Variants in CDC42BPA observed in about 807,000 individuals in gnomAD.
CDC42BPA encodes the protein CDC42 binding protein kinase alpha.
In CDC42BPA, 80 loss-of-function variants were observed where a neutral mutation model predicts 223.5. That is an observed-to-expected ratio of 0.36 (90% CI 0.30 to 0.43). The LOEUF (loss-of-function observed/expected upper bound fraction) is 0.43. Ranked by LOEUF, CDC42BPA falls within the 20% of genes least tolerant of loss-of-function variation. The pLI is 1.00. For missense variants in CDC42BPA, 1,743 were observed against 2,099.9 expected (o/e 0.83, Z 3.32); for synonymous variants, 694 against 718.6 (o/e 0.97, Z 0.55).
intron 15 of CDC42BPA, among the ~76,000 whole-genome samples, chr1:227,095,588 GGT>G (rs758671827): frequency 7.4e-5 from 9 of 121,760 alleles, no homozygotes; most frequent in African/African-American, 2.5e-4. Context: ...TAAGTTCTTT[GGT>G]TTTTTTTTTT....
At chr1:227,137,156 A>T (rs547566822) in intron 10 of CDC42BPA, among the ~76,000 whole-genome samples, 107 of 152,290 alleles carry the variant, frequency 7.0e-4, no homozygotes, top group Non-Finnish European at 1.4e-3. Context: ...TAACATACAA[A>T]TTATTAAGAA....
intron 11 of CDC42BPA, among the ~76,000 whole-genome samples, chr1:227,126,688 C>T (rs116064700): frequency 0.011 from 1,635 of 152,252 alleles, 33 homozygotes; most frequent in African/African-American, 0.037. Context: ...TGGTTCAATA[C>T]TTTAAAATCA....
intron 5 of CDC42BPA, chr1:227,183,000 T>C (rs890722776): frequency 6.6e-6 from 1 of 152,182 alleles, no homozygotes; most frequent in African/African-American, 2.4e-5. Context: ...CATGTCGGCT[T>C]CCCTGGTTTT....
intron 4 of CDC42BPA, among the ~76,000 whole-genome samples, chr1:227,197,481 C>T (rs193020818): frequency 1.3e-5 from 2 of 152,062 alleles, no homozygotes; most frequent in Non-Finnish European, 2.9e-5. Flanking sequence ...TATATACAGA[C>T]TATTTTTCCC....
chr1:227,240,296 A>T (rs969476412), intron 2 of CDC42BPA, among the ~76,000 whole-genome samples: 9 of 152,112 alleles, frequency 5.9e-5, no homozygotes, highest in African/African-American at 2.2e-4. Context: ...AACAAAGAGA[A>T]ATATCTGCTT....
At chr1:227,069,170 T>C (rs1452690275) in intron 21 of CDC42BPA, 1 of 152,106 alleles carries the variant, frequency 6.6e-6, no homozygotes, top group African/African-American at 2.4e-5. Context: ...ATTTGTTCAA[T>C]AAAGATATAA....
chr1:227,009,510 G>A (rs1017625744), intron 34 of CDC42BPA, among the ~76,000 whole-genome samples: 2 of 152,194 alleles, frequency 1.3e-5, no homozygotes, highest in Non-Finnish European at 2.9e-5. Context: ...CCAGGCGCAA[G>A]TGATCTTCTC....
intron 1 of CDC42BPA, chr1:227,265,162 G>A (rs1572721025): frequency 1.1e-5 from 8 of 700,140 alleles, no homozygotes; most frequent in African/African-American, 3.5e-5. Context: ...CACTTCCACA[G>A]TGGTAGGAAG....
At chr1:227,274,338 G>A (rs983847171) in intron 1 of CDC42BPA, among the ~76,000 whole-genome samples, 5 of 152,108 alleles carry the variant, frequency 3.3e-5, no homozygotes, top group Admixed American at 3.3e-4. Flanking sequence ...ACAGAGACTA[G>A]AAGTCACAGG....
At chr1:227,106,227 A>G (rs1230067381) in intron 14 of CDC42BPA, among the ~76,000 whole-genome samples, 4 of 152,072 alleles carry the variant, frequency 2.6e-5, no homozygotes. Context: ...CTTATTGACC[A>G]TTTATATATA....
At chr1:227,019,657 T>C (rs73087695) in intron 32 of CDC42BPA, among the ~76,000 whole-genome samples, 4,839 of 150,636 alleles carry the variant, frequency 0.032, 226 homozygotes, top group African/African-American at 0.11. Flanking sequence ...GGCTACAGAA[T>C]GGATGCTGTG....
In CDC42BPA at chr1:226,994,243, C is replaced by G; in HGVS notation, c.*25G>C. 3.9e-6 allele frequency: 6 copies of G among 1,554,386 alleles called. No individual in the cohort carries two copies. Among genetic ancestry groups the G allele is most frequent in the Non-Finnish European group, 4.4e-6 (5 of 1,147,714 alleles). ...GAGGCGAGTGGCAGGGAGCGGAGAG[C>G]GAGAGGTCCCAGTGCTGAGGCAGCT... On this transcript the variant is annotated 3_prime_UTR_variant, in exon 37 of 37. Transcript: ENST00000366766. The surrounding 1 kb of genome is among the most constrained non-coding windows in gnomAD (Gnocchi z 4.0).
intron 5 of CDC42BPA, among the ~76,000 whole-genome samples, chr1:227,170,322 A>G (rs1455058734): frequency 1.3e-5 from 2 of 152,082 alleles, no homozygotes; most frequent in Non-Finnish European, 2.9e-5. Context: ...GGCAGCACCA[A>G]TTGGCTAGCT....
At position 227,316,040 on chromosome 1, in the gene CDC42BPA, C is replaced by T. The variant is rs138177560; in HGVS notation, c.178+965G>A. ...TTTTACTTGGGAACAGATATTTTAG[C>T]ATAAGAACTTAGCATAAGAACAAAC... On this transcript the variant is annotated intron_variant, in intron 1 of 36. Coordinates refer to ENST00000366766, the MANE Select transcript of CDC42BPA (RefSeq NM_001394014.1). 6.0e-3 allele frequency among the ~76,000 whole-genome samples: 908 copies of T among 150,302 alleles called. 10 individuals carry two copies. Among genetic ancestry groups the T allele is most frequent in the African/African-American group, 0.021 (855 of 40,842 alleles).
At chr1:227,216,066 T>G (rs775575017) in intron 2 of CDC42BPA, among the ~76,000 whole-genome samples, 7 of 152,170 alleles carry the variant, frequency 4.6e-5, no homozygotes. Context: ...GTTCACAGTA[T>G]AATGTTAAAC....
chr1:227,291,273 G>A (rs758500816), intron 1 of CDC42BPA, among the ~76,000 whole-genome samples: 2 of 152,278 alleles, frequency 1.3e-5, no homozygotes, highest in Non-Finnish European at 1.5e-5. Context: ...TCTAGGCTGG[G>A]CGCGGTGGCT....
rs775607289 is a variant in CDC42BPA, at chr1:227,034,791, G to A, written c.3340C>T (p.Pro1114Ser). Reference sequence around the variant, plus strand: ...CCTTTCTTCACTCCAGCTGGCTTAGGAATCTTAGTTTTGTTTTAGACAGAC... The same window carrying A: ...CCTTTCTTCACTCCAGCTGGCTTAGAAATCTTAGTTTTGTTTTAGACAGAC... ...GTAYEGHVRI[P>S]KPAGVKKGWQ... Residue 1114 changes from proline to serine, a missense_variant, in exon 26 of 37, where the codon CCT becomes TCT. Transcript: ENST00000366766. 6.4e-7 allele frequency: 1 copy of A among 1,568,572 alleles called. No individual in the cohort carries two copies. The highest frequency in any genetic ancestry group is 8.6e-7 in the Non-Finnish European group (1 of 1,164,812).
chr1:227,230,696 A>C (rs1283466545), intron 2 of CDC42BPA, among the ~76,000 whole-genome samples: 1 of 151,892 alleles, frequency 6.6e-6, no homozygotes, highest in African/African-American at 2.4e-5. Flanking sequence ...CAGTTATCTT[A>C]TTAACAAAAT....
chr1:227,164,688 G>A (rs975609507), intron 5 of CDC42BPA, among the ~76,000 whole-genome samples: 3 of 151,700 alleles, frequency 2.0e-5, no homozygotes, highest in Non-Finnish European at 4.4e-5. Flanking sequence ...GCGCATGAGC[G>A]CACACACACG....
Sources: allele counts gnomAD v4.1 joint callset (sites outside exome capture counted in the v4.1 genomes callset), GRCh38; gene constraint gnomAD v4.1.1; non-coding constraint Gnocchi (gnomAD v3.1); transcripts MANE v1.5; gene names NCBI Gene and HGNC (gene_info 2026-07-23, HGNC 2026-07-21).